TRAPPC9: variants seen among roughly 807,000 people sequenced by gnomAD.
TRAPPC9 encodes trafficking protein particle complex subunit 9, also known as IKK2 binding protein.
A neutral mutation model predicts 124.0 loss-of-function variants in TRAPPC9; 83 were observed. The observed-to-expected ratio is 0.67, with a 90% confidence interval of 0.56 to 0.80. The LOEUF (loss-of-function observed/expected upper bound fraction) is 0.80, where lower values mean the gene tolerates loss of function less well. TRAPPC9 is among the 30% of genes least tolerant of loss of function. TRAPPC9 has a pLI of 0.00. For synonymous variants in TRAPPC9, 638 were observed against 617.5 expected (o/e 1.03, Z -0.49); for missense variants, 1,302 against 1,508.3 (o/e 0.86, Z 2.27).
intron 17 of TRAPPC9, among the ~76,000 whole-genome samples, chr8:140,094,454 C>T (rs1057393217): frequency 2.0e-5 from 3 of 152,182 alleles, no homozygotes; most frequent in Non-Finnish European, 4.4e-5. Flanking sequence ...ACCTCCTGCC[C>T]ACCACCACCC....
chr8:140,139,186 G>A (rs1453404381), intron 17 of TRAPPC9, among the ~76,000 whole-genome samples: 1 of 152,156 alleles, frequency 6.6e-6, no homozygotes, highest in Non-Finnish European at 1.5e-5. Flanking sequence ...CAGCAAGTCA[G>A]GGAATGGTGG....
intron 11 of TRAPPC9, among the ~76,000 whole-genome samples, chr8:140,295,897 G>A (rs1160508100): frequency 6.6e-6 from 1 of 152,172 alleles, no homozygotes; most frequent in Admixed American, 6.5e-5. Flanking sequence ...AACAAATAAT[G>A]TGCATTTTGG....
intron 16 of TRAPPC9, among the ~76,000 whole-genome samples, chr8:140,245,513 A>G (rs1375320001): frequency 6.6e-6 from 1 of 152,062 alleles, no homozygotes; most frequent in African/African-American, 2.4e-5. Context: ...CACATAATTT[A>G]AAGTTTACCA....
chr8:139,878,708 A>G (rs1350441055), intron 21 of TRAPPC9, among the ~76,000 whole-genome samples: 1 of 152,204 alleles, frequency 6.6e-6, no homozygotes, highest in Non-Finnish European at 1.5e-5. Flanking sequence ...CTTGCACCTG[A>G]ACTCCCAGCA....
Position 139,730,862 on chromosome 8 carries a change from G to C in TRAPPC9, c.*199C>G. 1.6e-6 allele frequency: 1 copy of C among 620,000 alleles called. No individual in the cohort carries two copies. Among genetic ancestry groups the C allele is most frequent in the Non-Finnish European group, 2.8e-6 (1 of 353,964 alleles). The allele number at this position is 620,000 out of a possible 1,614,324, so 38.4% of individuals were successfully genotyped here. On this transcript the variant is annotated 3_prime_UTR_variant, in exon 23 of 23. Transcript: ENST00000438773. ...ACAGTGTAGGAAGGGGCGTGGCATG[G>C]GGTGGGGCTGCCATGTCCGGGGCTT... is the stretch of plus-strand genomic sequence containing the variant.
At chr8:140,354,292 G>C (rs1446371928) in intron 9 of TRAPPC9, among the ~76,000 whole-genome samples, 1 of 152,142 alleles carries the variant, frequency 6.6e-6, no homozygotes, top group African/African-American at 2.4e-5. Context: ...TCTACTGCTG[G>C]AATGCCACAG....
In TRAPPC9 at chr8:140,184,816, AC is replaced by A. The variant is rs578041096; in HGVS notation, c.2556+36642del. ...TAAGGTCCATGAATTATTACAAAGC[AC>A]ACATCTAAATCCAGCACCCAGCTGG... On this transcript the variant is annotated intron_variant, in intron 17 of 22. Coordinates refer to ENST00000438773, the MANE Select transcript of TRAPPC9 (RefSeq NM_001160372.4). Among the ~76,000 whole-genome samples the A allele has an allele frequency of 2.5e-3, 374 of 152,270 alleles. 3 individuals carry two copies. The highest frequency in any genetic ancestry group is 8.4e-3 in the African/African-American group (348 of 41,546).
intron 21 of TRAPPC9, among the ~76,000 whole-genome samples, chr8:139,774,014 G>A (rs1441915855): frequency 2.6e-5 from 4 of 152,194 alleles, no homozygotes; most frequent in Non-Finnish European, 4.4e-5. Flanking sequence ...AGAGGAGCAC[G>A]GTGCTGAGCT....
At chr8:140,263,861 C>A in intron 15 of TRAPPC9, among the ~76,000 whole-genome samples, 1 of 152,172 alleles carries the variant, frequency 6.6e-6, no homozygotes, top group East Asian at 1.9e-4. Flanking sequence ...CCTGGCTACC[C>A]GGAGCCGGCT....
At chr8:139,812,819 C>T (rs1017292667) in intron 21 of TRAPPC9, among the ~76,000 whole-genome samples, 4 of 152,178 alleles carry the variant, frequency 2.6e-5, no homozygotes, top group Admixed American at 2.0e-4. Flanking sequence ...TGGGCTATAG[C>T]TAAGGTGAAC....
intron 7 of TRAPPC9, among the ~76,000 whole-genome samples, chr8:140,395,133 C>T (rs778545020): frequency 1.3e-5 from 2 of 152,200 alleles, no homozygotes; most frequent in East Asian, 1.9e-4. Context: ...CTGCAAGATA[C>T]GGACCTCTTC....
At chr8:139,994,463 C>T (rs1218003178) in intron 18 of TRAPPC9, among the ~76,000 whole-genome samples, 1 of 152,228 alleles carries the variant, frequency 6.6e-6, no homozygotes, top group Non-Finnish European at 1.5e-5. Context: ...GCCACCCAAA[C>T]CTACAGCCTC....
chr8:139,987,585 A>G (rs936623906), intron 19 of TRAPPC9, among the ~76,000 whole-genome samples: 22 of 152,248 alleles, frequency 1.4e-4, no homozygotes, highest in African/African-American at 5.3e-4. Context: ...TGGGGCAAAT[A>G]AAACAAAATC....
chr8:140,349,108 G>T (rs545501165), intron 9 of TRAPPC9, among the ~76,000 whole-genome samples: 1 of 135,002 alleles, frequency 7.4e-6, no homozygotes, highest in Non-Finnish European at 1.6e-5. Flanking sequence ...GCAAGCGGGG[G>T]GGCTGAAGAC....
At chr8:140,308,961 G>C (rs1300925928) in intron 10 of TRAPPC9, among the ~76,000 whole-genome samples, 1 of 152,022 alleles carries the variant, frequency 6.6e-6, no homozygotes, top group Non-Finnish European at 1.5e-5. Context: ...GCAAGACTCA[G>C]CTAACTGTTC....
chr8:139,744,915 G>A (rs894782094), intron 21 of TRAPPC9, among the ~76,000 whole-genome samples: 1 of 152,238 alleles, frequency 6.6e-6, no homozygotes, highest in Admixed American at 6.5e-5. Flanking sequence ...TGTACAGCTT[G>A]GAGTTCTCTC....
chr8:139,939,271 G>T (rs972262165), intron 19 of TRAPPC9, among the ~76,000 whole-genome samples: 5 of 152,226 alleles, frequency 3.3e-5, no homozygotes, highest in Admixed American at 6.5e-5. Context: ...GGACACCGGG[G>T]TCTGGAGAGG....
chr8:140,093,581 T>C (rs566141955), intron 17 of TRAPPC9, among the ~76,000 whole-genome samples: 3 of 151,650 alleles, frequency 2.0e-5, no homozygotes, highest in East Asian at 1.9e-4. Flanking sequence ...GGCAGTAGAA[T>C]TGCTTGAACT....
At chr8:139,810,918 T>C (rs905146390) in intron 21 of TRAPPC9, among the ~76,000 whole-genome samples, 1 of 152,074 alleles carries the variant, frequency 6.6e-6, no homozygotes, top group Non-Finnish European at 1.5e-5. Flanking sequence ...CAGTCAGCCA[T>C]CCTGCCCAAG....
Sources: allele counts gnomAD v4.1 joint callset (sites outside exome capture counted in the v4.1 genomes callset), GRCh38; gene constraint gnomAD v4.1.1; transcripts MANE v1.5; gene names NCBI Gene and HGNC (gene_info 2026-07-23, HGNC 2026-07-21).